Variants in THRB observed in about 807,000 individuals in gnomAD.
THRB encodes the protein nuclear receptor subfamily 1 group A member 2.
Under a neutral mutation model 47.8 loss-of-function variants are expected in THRB, and 12 were observed. That is an observed-to-expected ratio of 0.25 (90% CI 0.16 to 0.41). THRB has a LOEUF of 0.41. Among genes scored for constraint, THRB ranks in the 10% least tolerant of loss-of-function variants. THRB has a pLI of 1.00. For synonymous variants in THRB, 218 were observed against 212.2 expected (o/e 1.03, Z -0.24); for missense variants, 348 against 589.2 (o/e 0.59, Z 4.24).
intron 5 of THRB, among the ~76,000 whole-genome samples, chr3:24,159,406 T>C (rs1464241772): frequency 1.3e-5 from 2 of 152,146 alleles, no homozygotes; most frequent in African/African-American, 4.8e-5. Context: ...TAAGCAAACA[T>C]GATGAGGGGA....
chr3:24,331,702 T>C (rs1336227514), intron 2 of THRB, among the ~76,000 whole-genome samples: 2 of 152,142 alleles, frequency 1.3e-5, no homozygotes, highest in Admixed American at 6.5e-5. Context: ...TGTGTGTGTA[T>C]GTTTAAACAT....
At chr3:24,315,030 T>C (rs1226987929) in intron 2 of THRB, among the ~76,000 whole-genome samples, 2 of 152,172 alleles carry the variant, frequency 1.3e-5, no homozygotes, top group African/African-American at 2.4e-5. Context: ...ATTTAGGAAT[T>C]ATATTTTCTT....
At chr3:24,234,426 T>C (rs2048661436) in intron 3 of THRB, among the ~76,000 whole-genome samples, 1 of 152,140 alleles carries the variant, frequency 6.6e-6, no homozygotes, top group Non-Finnish European at 1.5e-5. Context: ...CTATTTTTGG[T>C]TGGGAGCAAA....
At chr3:24,236,902 T>C (rs1385125845) in intron 3 of THRB, among the ~76,000 whole-genome samples, 1 of 152,200 alleles carries the variant, frequency 6.6e-6, no homozygotes, top group African/African-American at 2.4e-5. Context: ...GAATTTCTCA[T>C]GATAGGAATC....
At chr3:24,254,143 C>G (rs1576332498) in intron 3 of THRB, among the ~76,000 whole-genome samples, 1 of 133,870 alleles carries the variant, frequency 7.5e-6, no homozygotes, top group East Asian at 2.2e-4. Context: ...ACAGGTGGAT[C>G]ACGAGGTCAG....
chr3:24,173,388 A>G (rs2040697806), intron 5 of THRB, among the ~76,000 whole-genome samples: 1 of 152,176 alleles, frequency 6.6e-6, no homozygotes, highest in Admixed American at 6.5e-5. Flanking sequence ...GGCTAGGAAG[A>G]ACGGCGTGCT....
At chr3:24,407,997 A>G (rs1270869933) in intron 1 of THRB, among the ~76,000 whole-genome samples, 1 of 151,910 alleles carries the variant, frequency 6.6e-6, no homozygotes, top group African/African-American at 2.4e-5. Flanking sequence ...GCCTTTTCAT[A>G]TGATTAAAAA....
At chr3:24,348,571 C>T (rs2063169310) in intron 1 of THRB, 1 of 152,238 alleles carries the variant, frequency 6.6e-6, no homozygotes, top group Non-Finnish European at 1.5e-5. Context: ...GCCCTTTTCC[C>T]ATGCGGCCTT....
chr3:24,126,656 G>A (rs923486865), intron 10 of THRB, among the ~76,000 whole-genome samples: 6 of 151,824 alleles, frequency 4.0e-5, no homozygotes, highest in African/African-American at 1.2e-4. Flanking sequence ...CTACACTTGG[G>A]TGCCCTGAAA....
chr3:24,369,992 T>C (rs1244926123), intron 1 of THRB, among the ~76,000 whole-genome samples: 2 of 152,168 alleles, frequency 1.3e-5, no homozygotes, highest in African/African-American at 2.4e-5. Flanking sequence ...TTGACTTTCA[T>C]GTAAATTTGT....
intron 1 of THRB, among the ~76,000 whole-genome samples, chr3:24,426,155 T>A (rs926961338): frequency 1.3e-5 from 2 of 151,952 alleles, no homozygotes; most frequent in Non-Finnish European, 2.9e-5. Flanking sequence ...CTGTCATCCA[T>A]ATAGCTACCT....
At chr3:24,321,779 TA>T (rs2149299391) in intron 2 of THRB, among the ~76,000 whole-genome samples, 1 of 152,320 alleles carries the variant, frequency 6.6e-6, no homozygotes, top group South Asian at 2.1e-4. Flanking sequence ...ACATAGCTGC[TA>T]GGCACTTCAT....
At chr3:24,480,034 C>A (rs1696131375) in intron 1 of THRB, among the ~76,000 whole-genome samples, 1 of 152,204 alleles carries the variant, frequency 6.6e-6, no homozygotes, top group South Asian at 2.1e-4. Flanking sequence ...AAGAGTCCCC[C>A]AGTGTGACTA....
chr3:24,267,519 C>T (rs1375032706), intron 3 of THRB, among the ~76,000 whole-genome samples: 1 of 152,166 alleles, frequency 6.6e-6, no homozygotes, highest in Non-Finnish European at 1.5e-5. Flanking sequence ...CTCATCTATG[C>T]ACTTCCTTGT....
intron 3 of THRB, among the ~76,000 whole-genome samples, chr3:24,257,506 T>A (rs934555631): frequency 7.2e-5 from 11 of 152,226 alleles, no homozygotes; most frequent in African/African-American, 2.7e-4. Flanking sequence ...GGCTATTCTC[T>A]ATAGACCTAT....
rs1427570155 is a variant in THRB at position 24,474,093 on chromosome 3, A to G, written c.-261+20559T>C. Among the ~76,000 whole-genome samples the G allele has an allele frequency of 4.6e-5, 7 of 152,330 alleles. No individual in the cohort carries two copies. The East Asian group carries it at 1.3e-3, about 29-fold the overall frequency. ...CCTGCATGTTCTGCACATGTATCTC[A>G]GAACTTAAAGTATAATTTAAAAAAA... On this transcript the variant is annotated intron_variant, in intron 1 of 10. Transcript: ENST00000646209.
intron 1 of THRB, among the ~76,000 whole-genome samples, chr3:24,364,087 G>A (rs987243168): frequency 4.6e-5 from 7 of 152,072 alleles, no homozygotes; most frequent in African/African-American, 1.4e-4. Context: ...TACATACTGG[G>A]TTCAGTTATA....
chr3:24,257,994 G>C (rs931051173), intron 3 of THRB, among the ~76,000 whole-genome samples: 1 of 152,238 alleles, frequency 6.6e-6, no homozygotes, highest in Non-Finnish European at 1.5e-5. Flanking sequence ...ACTGCATGGA[G>C]AATCAGGGTC....
intron 5 of THRB, among the ~76,000 whole-genome samples, chr3:24,164,269 A>G (rs2039324336): frequency 6.6e-6 from 1 of 152,226 alleles, no homozygotes; most frequent in Non-Finnish European, 1.5e-5. Context: ...AAATAGCATT[A>G]TAAAGCCACA....
Sources: gnomAD v4.1 joint callset for allele counts (sites outside exome capture counted in the v4.1 genomes callset) on GRCh38, gnomAD v4.1.1 for gene constraint, MANE v1.5 for transcripts, NCBI Gene and HGNC (gene_info 2026-07-23, HGNC 2026-07-21) for gene names.